NYAP2: variants seen among roughly 807,000 people sequenced by gnomAD.
NYAP2 encodes neuronal tyrosine-phosphorylated phosphoinositide-3-kinase adapter 2.
Under a neutral mutation model 50.4 loss-of-function variants are expected in NYAP2, and 23 were observed. That is an observed-to-expected ratio of 0.46 (90% confidence interval 0.33 to 0.65). NYAP2 has a LOEUF of 0.65. NYAP2 is among the 30% of genes least tolerant of loss of function. The pLI is 0.02. For synonymous variants in NYAP2, 394 were observed against 365.2 expected (o/e 1.08, Z -0.90); for missense variants, 885 against 861.0 (o/e 1.03, Z -0.35).
intron 5 of NYAP2, among the ~76,000 whole-genome samples, chr2:225,585,220 A>G (rs926493183): frequency 6.6e-6 from 1 of 152,256 alleles, no homozygotes; most frequent in Non-Finnish European, 1.5e-5. Flanking sequence ...TTTTTTAAAC[A>G]TTTTATTTAA....
rs546642272 is a variant in NYAP2 at position 225,531,200 on chromosome 2, C to T, written c.523+17528C>T. Reference sequence around the variant, plus strand: ...CTGCAGAGCCACACCTCCTGCCAACCATGCCTCTTACAGCCAACTCAGACT... The same window carrying T: ...CTGCAGAGCCACACCTCCTGCCAACTATGCCTCTTACAGCCAACTCAGACT... On this transcript the variant is annotated intron_variant, in intron 4 of 6. Transcript: ENST00000636099. Among the ~76,000 whole-genome samples, 3 of 152,292 alleles carry T rather than the reference C, an allele frequency of 2.0e-5. No individual in the cohort carries two copies. In the East Asian group the frequency reaches 5.8e-4, roughly 29 times the overall value.
At chr2:225,445,181 G>A (rs1182860015) in intron 3 of NYAP2, among the ~76,000 whole-genome samples, 2 of 151,954 alleles carry the variant, frequency 1.3e-5, no homozygotes, top group African/African-American at 4.8e-5. Context: ...ACAAAATGTT[G>A]ACTTATTTTC....
At chr2:225,521,126 A>G (rs1385933150) in intron 4 of NYAP2, among the ~76,000 whole-genome samples, 1 of 148,888 alleles carries the variant, frequency 6.7e-6, no homozygotes, top group East Asian at 2.0e-4. Context: ...TTGATTTTGT[A>G]TCCTGAGACT....
chr2:225,468,451 C>A (rs1459617895), intron 3 of NYAP2, among the ~76,000 whole-genome samples: 1 of 152,116 alleles, frequency 6.6e-6, no homozygotes, highest in African/African-American at 2.4e-5. Flanking sequence ...GAAGCCAAGA[C>A]AGGCCAGTGA....
At chr2:225,461,667 C>A (rs1375852612) in intron 3 of NYAP2, among the ~76,000 whole-genome samples, 1 of 152,166 alleles carries the variant, frequency 6.6e-6, no homozygotes, top group Non-Finnish European at 1.5e-5. Context: ...TCCAAAAATT[C>A]TTTTATCTAC....
At chr2:225,409,227 T>C in intron 3 of NYAP2, 126 bp downstream of exon 3, 1 of 655,418 alleles carries the variant, frequency 1.5e-6, no homozygotes, top group East Asian at 2.8e-5. Flanking sequence ...GGTGAGAGCA[T>C]ATGAAAGCGA....
At chr2:225,693,908 A>G in the NYAP2 span, among the ~76,000 whole-genome samples, 1 of 152,056 alleles carries the variant, frequency 6.6e-6, no homozygotes, top group East Asian at 1.9e-4. Flanking sequence ...TGTGTAGCCC[A>G]CAAAAAAGGG....
At chr2:225,439,689 G>C (rs1689439320) in intron 3 of NYAP2, among the ~76,000 whole-genome samples, 1 of 152,202 alleles carries the variant, frequency 6.6e-6, no homozygotes, top group African/African-American at 2.4e-5. Context: ...AAATGGGGAA[G>C]GGTGAAAATA....
intron 4 of NYAP2, among the ~76,000 whole-genome samples, chr2:225,549,065 G>T (rs1248037141): frequency 1.3e-5 from 2 of 152,070 alleles, no homozygotes; most frequent in Non-Finnish European, 2.9e-5. Context: ...TTTTTTAGTA[G>T]AGACAGGGTT....
At chr2:225,518,986 G>C (rs1049995523) in intron 4 of NYAP2, among the ~76,000 whole-genome samples, 7 of 151,896 alleles carry the variant, frequency 4.6e-5, no homozygotes, top group Admixed American at 3.3e-4. Context: ...CTACTGAATC[G>C]AAGCCTGGGC....
the NYAP2 span, among the ~76,000 whole-genome samples, chr2:225,661,429 A>C: frequency 6.6e-6 from 1 of 152,210 alleles, no homozygotes; most frequent in African/African-American, 2.4e-5. Flanking sequence ...ACTTCTCCAG[A>C]TAAATTGGAT....
chr2:225,411,068 C>T (rs114908365), intron 3 of NYAP2, among the ~76,000 whole-genome samples: 1,981 of 152,228 alleles, frequency 0.013, 51 homozygotes, highest in African/African-American at 0.045. Flanking sequence ...TTCACTTCTA[C>T]TCACCCCATA....
chr2:225,657,742 C>T (rs981467371), downstream of NYAP2, among the ~76,000 whole-genome samples: 2 of 152,130 alleles, frequency 1.3e-5, no homozygotes, highest in Non-Finnish European at 2.9e-5. Context: ...AAGTCATGCA[C>T]ACTTTAGTTT....
At chr2:225,685,535 G>T in the NYAP2 span, among the ~76,000 whole-genome samples, 1 of 152,096 alleles carries the variant, frequency 6.6e-6, no homozygotes, top group Non-Finnish European at 1.5e-5. Context: ...CAAACAATTA[G>T]CTTAATCAAT....
the NYAP2 span, among the ~76,000 whole-genome samples, chr2:225,669,695 A>G: frequency 6.6e-6 from 1 of 152,200 alleles, no homozygotes; most frequent in East Asian, 1.9e-4. Flanking sequence ...AAAAAAATCA[A>G]AATTTTATTA....
At chr2:225,458,322 G>A (rs1200483723) in intron 3 of NYAP2, among the ~76,000 whole-genome samples, 1 of 152,124 alleles carries the variant, frequency 6.6e-6, no homozygotes, top group African/African-American at 2.4e-5. Context: ...CTGCCCACCA[G>A]CCTGGGTGAC....
intron 3 of NYAP2, among the ~76,000 whole-genome samples, chr2:225,500,616 T>G (rs1690588264): frequency 6.6e-6 from 1 of 152,238 alleles, no homozygotes; most frequent in African/African-American, 2.4e-5. Context: ...GAGCATTATT[T>G]CATTAAATCT....
the NYAP2 span, among the ~76,000 whole-genome samples, chr2:225,695,567 T>C: frequency 6.6e-6 from 1 of 151,770 alleles, no homozygotes; most frequent in Non-Finnish European, 1.5e-5. Flanking sequence ...GTTCTACATG[T>C]TGGGACCACC....
intron 3 of NYAP2, among the ~76,000 whole-genome samples, chr2:225,489,984 C>T (rs1349459730): frequency 6.6e-6 from 1 of 152,128 alleles, no homozygotes; most frequent in Non-Finnish European, 1.5e-5. Context: ...CCTGGAAAAA[C>T]AGTTTGAGAA....
Sources: allele counts gnomAD v4.1 joint callset (sites outside exome capture counted in the v4.1 genomes callset), GRCh38; gene constraint gnomAD v4.1.1; transcripts MANE v1.5; gene names NCBI Gene and HGNC (gene_info 2026-07-23, HGNC 2026-07-21).